Variants in NUMB observed in about 807,000 individuals in gnomAD.
NUMB encodes NUMB endocytic adaptor protein, also known as protein numb homolog.
In NUMB, 29 loss-of-function variants were observed where a neutral mutation model predicts 59.7. The ratio of observed to expected loss-of-function variants is 0.49; its 90% CI spans 0.36 to 0.66. NUMB has a LOEUF of 0.66. Among genes scored for constraint, NUMB ranks in the 30% least tolerant of loss-of-function variants. The probability of loss-of-function intolerance (pLI) is 0.00; values close to 1 mark genes in which losing one functional copy is unlikely to be tolerated. For synonymous variants in NUMB, 288 were observed against 288.2 expected (o/e 1.00, Z 0.01); for missense variants, 723 against 822.0 (o/e 0.88, Z 1.47).
intron 1 of NUMB, among the ~76,000 whole-genome samples, chr14:73,444,593 C>T (rs1178401307): frequency 6.6e-6 from 1 of 152,012 alleles, no homozygotes; most frequent in Non-Finnish European, 1.5e-5. Context: ...TACATACATA[C>T]ATATGTTTAG....
intron 4 of NUMB, among the ~76,000 whole-genome samples, chr14:73,351,802 C>T (rs1299202149): frequency 6.6e-6 from 1 of 151,802 alleles, no homozygotes; most frequent in African/African-American, 2.4e-5. Flanking sequence ...TGGTGAAACC[C>T]CGTCTCTACT....
chr14:73,348,517 A>C (rs978923934), intron 4 of NUMB, among the ~76,000 whole-genome samples: 1 of 152,232 alleles, frequency 6.6e-6, no homozygotes, highest in African/African-American at 2.4e-5. Context: ...TCCACCTCCT[A>C]TCTCATCAGT....
At chr14:73,386,789 GT>G (rs1180605625) in intron 2 of NUMB, among the ~76,000 whole-genome samples, 1 of 145,184 alleles carries the variant, frequency 6.9e-6, no homozygotes, top group African/African-American at 2.6e-5. Context: ...TTGATGTATT[GT>G]TTTCAGCCCA....
At chr14:73,448,966 T>G (rs929302035) in intron 1 of NUMB, among the ~76,000 whole-genome samples, 1 of 151,152 alleles carries the variant, frequency 6.6e-6, no homozygotes, top group African/African-American at 2.4e-5. Context: ...CACAGGAGGA[T>G]TCAACCAATC....
intron 1 of NUMB, among the ~76,000 whole-genome samples, chr14:73,426,361 G>A (rs1897576162): frequency 6.6e-6 from 1 of 152,208 alleles, no homozygotes; most frequent in African/African-American, 2.4e-5. Flanking sequence ...GAAGCAGGCA[G>A]TGGCTGGGAG....
At chr14:73,394,846 A>G (rs1168202225) in intron 2 of NUMB, among the ~76,000 whole-genome samples, 1 of 152,128 alleles carries the variant, frequency 6.6e-6, no homozygotes, top group African/African-American at 2.4e-5. Flanking sequence ...ATAACATTTC[A>G]CATTCTTTTA....
intron 8 of NUMB, among the ~76,000 whole-genome samples, chr14:73,288,090 T>G (rs1889134178): frequency 1.3e-5 from 2 of 152,202 alleles, no homozygotes; most frequent in Admixed American, 6.5e-5. Flanking sequence ...AACTTAAAAC[T>G]TCTGATAAAC....
chr14:73,352,433 T>TACACAC (rs10610977), intron 4 of NUMB, among the ~76,000 whole-genome samples: 5 of 52,640 alleles, frequency 9.5e-5, no homozygotes, highest in Non-Finnish European at 1.1e-4. Flanking sequence ...AATATATATA[T>TACACAC]ACACACACAC....
intron 2 of NUMB, among the ~76,000 whole-genome samples, chr14:73,386,877 T>TA (rs1359587902): frequency 1.6e-5 from 1 of 63,160 alleles, no homozygotes; most frequent in African/African-American, 5.6e-5. Flanking sequence ...ATTTTTTTTT[T>TA]TTTTTTTTTT....
chr14:73,350,578 C>T (rs920101903), intron 4 of NUMB, among the ~76,000 whole-genome samples: 2 of 151,394 alleles, frequency 1.3e-5, no homozygotes, highest in Non-Finnish European at 2.9e-5. Flanking sequence ...GACAGGGTCT[C>T]GCTCTGTTCC....
intron 2 of NUMB, among the ~76,000 whole-genome samples, chr14:73,370,942 C>T (rs1894643083): frequency 6.6e-6 from 1 of 152,138 alleles, no homozygotes; most frequent in African/African-American, 2.4e-5. Context: ...TACATTTCAT[C>T]TGATTTGCTT....
At chr14:73,451,119 A>G (rs1278681159) in intron 1 of NUMB, among the ~76,000 whole-genome samples, 3 of 132,382 alleles carry the variant, frequency 2.3e-5, no homozygotes, top group Non-Finnish European at 4.6e-5. Context: ...GCACCATTGC[A>G]CTCTATCCTG....
chr14:73,284,121 G>C lies in NUMB; in HGVS notation c.909C>G (p.Ser303=). 6.2e-7 allele frequency: 1 copy of C among 1,614,188 alleles called. No homozygotes were observed. Among genetic ancestry groups the C allele is most frequent in the Non-Finnish European group, 8.5e-7 (1 of 1,180,024 alleles). ...QLSLRINELP[S]TMQRKTDFPI... is the part of the protein sequence containing the mutation. Reference sequence around the variant, plus strand: ...GGAAATCAGTCTTCCTCTGCATAGTGGAAGGCAACTCATTGATGCGTAGGG... The same window carrying C: ...GGAAATCAGTCTTCCTCTGCATAGTCGAAGGCAACTCATTGATGCGTAGGG... The change falls in exon 10 of 13, where the codon TCC becomes TCG. Residue 303 remains serine, a synonymous_variant. Transcript: ENST00000555238.
intron 8 of NUMB, among the ~76,000 whole-genome samples, chr14:73,288,833 T>C (rs1416327076): frequency 6.6e-6 from 1 of 151,986 alleles, no homozygotes; most frequent in Non-Finnish European, 1.5e-5. Context: ...CACTCCAGCC[T>C]GGGCAACAAG....
intron 4 of NUMB, among the ~76,000 whole-genome samples, chr14:73,348,939 T>A (rs117799248): frequency 1.3e-5 from 2 of 152,170 alleles, no homozygotes; most frequent in Non-Finnish European, 2.9e-5. Context: ...GTTAAAAAAA[T>A]TATAAATAGG....
chr14:73,425,745 T>C (rs1212613951), intron 1 of NUMB, among the ~76,000 whole-genome samples: 1 of 152,062 alleles, frequency 6.6e-6, no homozygotes, highest in Non-Finnish European at 1.5e-5. Flanking sequence ...TAAGTGTGTA[T>C]AATCTCATTT....
chr14:73,367,072 A>G (rs1894376615), intron 2 of NUMB, 91 bp from the exon 3 acceptor site: 1 of 151,946 alleles, frequency 6.6e-6, no homozygotes, highest in Non-Finnish European at 1.5e-5. Context: ...AACAAAACAC[A>G]CACAAAATAA....
chr14:73,321,156 C>T (rs1024688454), intron 5 of NUMB, among the ~76,000 whole-genome samples: 5 of 152,112 alleles, frequency 3.3e-5, no homozygotes, highest in Admixed American at 6.5e-5. Context: ...CTTAAACCAC[C>T]TCTAGCTTTT....
intron 2 of NUMB, among the ~76,000 whole-genome samples, chr14:73,382,402 C>G (rs572791978): frequency 6.6e-6 from 1 of 151,746 alleles, no homozygotes; most frequent in Non-Finnish European, 1.5e-5. Flanking sequence ...CTGCCTCAGC[C>G]TCCCAAAGTG....
Sources: allele counts gnomAD v4.1 joint callset (sites outside exome capture counted in the v4.1 genomes callset), GRCh38; gene constraint gnomAD v4.1.1; transcripts MANE v1.5; gene names NCBI Gene and HGNC (gene_info 2026-07-23, HGNC 2026-07-21).